The following EYS variants were observed in gnomAD, a reference collection of about 807,000 sequenced individuals.
EYS encodes the protein EGF-like photoreceptor maintenance factor.
A neutral mutation model predicts 282.1 loss-of-function variants in EYS; 250 were observed. That is an observed-to-expected ratio of 0.89 (90% CI 0.80 to 0.98). The LOEUF (loss-of-function observed/expected upper bound fraction) is 0.98, where lower values mean the gene tolerates loss of function less well. Among genes scored for constraint, EYS ranks in the 50% least tolerant of loss-of-function variants. The pLI is 0.00. For synonymous variants in EYS, 1,355 were observed against 1,282.9 expected (o/e 1.06, Z -1.20); for missense variants, 4,016 against 3,709.0 (o/e 1.08, Z -2.15).
chr6:63,846,225 G>C (rs955710614), intron 36 of EYS, among the ~76,000 whole-genome samples: 2 of 152,172 alleles, frequency 1.3e-5, no homozygotes, highest in Non-Finnish European at 2.9e-5. Flanking sequence ...CAACCCTGAC[G>C]TGTATTTAGG....
At chr6:63,986,172 A>G (rs1427678336) in intron 34 of EYS, among the ~76,000 whole-genome samples, 3 of 151,870 alleles carry the variant, frequency 2.0e-5, no homozygotes, top group Non-Finnish European at 2.9e-5. Context: ...TATGAAAAAA[A>G]GCTCAATATC....
chr6:64,305,728 C>T (rs1220627970), intron 30 of EYS, among the ~76,000 whole-genome samples: 2 of 152,068 alleles, frequency 1.3e-5, no homozygotes, highest in African/African-American at 4.8e-5. Context: ...ACACCATATA[C>T]AATAATTAAC....
chr6:65,025,155 T>C (rs28666513), intron 13 of EYS, among the ~76,000 whole-genome samples: 1 of 152,226 alleles, frequency 6.6e-6, no homozygotes, highest in African/African-American at 2.4e-5. Flanking sequence ...ATCATAAAAT[T>C]AAAAATCAAT....
At chr6:65,251,473 A>C (rs1423194289) in intron 12 of EYS, among the ~76,000 whole-genome samples, 1 of 151,926 alleles carries the variant, frequency 6.6e-6, no homozygotes, top group Admixed American at 6.6e-5. Flanking sequence ...AAACAACAAA[A>C]ATGAAATCTA....
intron 12 of EYS, among the ~76,000 whole-genome samples, chr6:65,277,070 G>C (rs935715016): frequency 5.3e-5 from 8 of 152,038 alleles, no homozygotes; most frequent in Non-Finnish European, 1.0e-4. Flanking sequence ...ATTAGAAAAT[G>C]AGGCCACTGG....
At chr6:64,042,139 T>C (rs1310295082) in intron 33 of EYS, among the ~76,000 whole-genome samples, 1 of 152,166 alleles carries the variant, frequency 6.6e-6, no homozygotes, top group Non-Finnish European at 1.5e-5. Context: ...CTTAAAAAAG[T>C]AAGAATTATA....
At position 64,784,593 on chromosome 6, in the gene EYS, A is replaced by AT. The variant is rs375057772; in HGVS notation, c.3443+28784dup. On this transcript the variant is annotated intron_variant, in intron 22 of 42. Coordinates refer to ENST00000503581, the MANE Select transcript of EYS (RefSeq NM_001142800.2). ...GCCTGGCACATCATAAACCTCAATA[A>AT]TTACTTGTTGAGTAAATTATTTCAT... 2.1e-3 allele frequency among the ~76,000 whole-genome samples: 326 copies of AT among 152,206 alleles called. 1 individual carries two copies. Among genetic ancestry groups the AT allele is most frequent in the African/African-American group, 7.5e-3 (311 of 41,520 alleles).
chr6:65,673,835 G>C (rs1000453526), intron 1 of EYS, among the ~76,000 whole-genome samples: 10 of 151,940 alleles, frequency 6.6e-5, no homozygotes, highest in African/African-American at 2.4e-4. Flanking sequence ...TGTGGGAAAG[G>C]CCTCTACCCA....
intron 35 of EYS, among the ~76,000 whole-genome samples, chr6:63,950,260 T>C (rs955717869): frequency 2.0e-5 from 3 of 149,506 alleles, no homozygotes; most frequent in Non-Finnish European, 4.4e-5. Context: ...TGCACACAGA[T>C]GTCCAGATGG....
At chr6:65,546,627 A>G (rs6914700) in intron 2 of EYS, among the ~76,000 whole-genome samples, 113,862 of 151,694 alleles carry the variant, frequency 0.75, 43,602 homozygotes, top group African/African-American at 0.9. Context: ...TGTTGTCCAG[A>G]CTGTCAAGAT....
chr6:65,330,378 T>A, intron 11 of EYS: 1 of 984,548 alleles, frequency 1.0e-6, no homozygotes, highest in Non-Finnish European at 1.2e-6. Flanking sequence ...GTGGGAGTCA[T>A]GAACACTTCA....
chr6:65,278,296 T>C (rs1311420034), intron 12 of EYS, among the ~76,000 whole-genome samples: 13 of 143,666 alleles, frequency 9.0e-5, no homozygotes, highest in African/African-American at 3.3e-4. Context: ...TATATATTTA[T>C]AGAAATTTAT....
intron 1 of EYS, among the ~76,000 whole-genome samples, chr6:65,693,055 C>T (rs955340565): frequency 5.3e-5 from 8 of 149,922 alleles, no homozygotes; most frequent in Admixed American, 2.7e-4. Flanking sequence ...GTAAAATGGT[C>T]TTCATAAGTA....
At chr6:65,012,508 T>A (rs1331415743) in intron 13 of EYS, among the ~76,000 whole-genome samples, 1 of 152,150 alleles carries the variant, frequency 6.6e-6, no homozygotes, top group African/African-American at 2.4e-5. Flanking sequence ...CTGCTTGGGT[T>A]TTCTCAGTAA....
intron 31 of EYS, among the ~76,000 whole-genome samples, chr6:64,198,024 G>A (rs1582414959): frequency 1.3e-5 from 2 of 151,006 alleles, no homozygotes; most frequent in East Asian, 2.0e-4. Context: ...ACGGAGTCTC[G>A]CTCTGTTGCC....
At chr6:64,953,071 A>G (rs931794718) in intron 14 of EYS, among the ~76,000 whole-genome samples, 9 of 151,888 alleles carry the variant, frequency 5.9e-5, no homozygotes, top group African/African-American at 2.2e-4. Flanking sequence ...AATTCATTTA[A>G]ATAATTATTT....
intron 28 of EYS, among the ~76,000 whole-genome samples, chr6:64,427,186 A>C (rs1006244202): frequency 2.0e-5 from 3 of 152,162 alleles, no homozygotes; most frequent in Non-Finnish European, 4.4e-5. Context: ...AGGAATTTAC[A>C]TTTCAGTGGT....
At chr6:63,898,324 G>A (rs955473529) in intron 35 of EYS, among the ~76,000 whole-genome samples, 3 of 151,594 alleles carry the variant, frequency 2.0e-5, no homozygotes, top group Non-Finnish European at 4.4e-5. Flanking sequence ...CCATTTCTAC[G>A]AAAAATACAA....
At chr6:63,727,737 A>AAT (rs70999122) in intron 41 of EYS, among the ~76,000 whole-genome samples, 993 of 36,642 alleles carry the variant, frequency 0.027, 113 homozygotes, top group Middle Eastern at 0.078. Context: ...AAAAAAAAAA[A>AAT]ATATATATAT....
Sources: allele counts gnomAD v4.1 joint callset (sites outside exome capture counted in the v4.1 genomes callset), GRCh38; gene constraint gnomAD v4.1.1; transcripts MANE v1.5; gene names NCBI Gene and HGNC (gene_info 2026-07-23, HGNC 2026-07-21).